DECR1: variants seen among roughly 807,000 people sequenced by gnomAD.
DECR1 encodes 2,4-dienoyl-CoA reductase 1.
A neutral mutation model predicts 38.8 loss-of-function variants in DECR1; 44 were observed. That is an observed-to-expected ratio of 1.13 (90% CI 0.89 to 1.46). DECR1 has a LOEUF of 1.46. Ranked by LOEUF, DECR1 falls within the 40% of genes most tolerant of loss-of-function variation. The pLI, the probability that DECR1 is intolerant of heterozygous loss-of-function variation, is 0.00. For synonymous variants in DECR1, 148 were observed against 135.2 expected (o/e 1.09, Z -0.66); for missense variants, 428 against 405.5 (o/e 1.06, Z -0.48).
chr8:90,019,968 T>C lies in DECR1; in HGVS notation c.417+796T>C, dbSNP rs372661784. Among the ~76,000 whole-genome samples the C allele has an allele frequency of 9.8e-5, 15 of 152,328 alleles. No individual in the cohort carries two copies. The South Asian group carries it at 1.2e-3, about 13-fold the overall frequency. On this transcript the variant is annotated intron_variant, in intron 4 of 9. Transcript: ENST00000220764. ...AGAGTACAGCATTGAGTTTAAATGA[T>C]TGATGCTTTTTGCTTCTCCTAGTAA...
chr8:90,042,449 A>C (rs896325637), intron 6 of DECR1: 1 of 384,138 alleles, frequency 2.6e-6, no homozygotes, highest in Non-Finnish European at 4.8e-6. Flanking sequence ...GGTTAAGGAC[A>C]CTAAAATGTA....
chr8:90,044,443 ACTTTGG>A (rs1436760060), intron 7 of DECR1, among the ~76,000 whole-genome samples: 1 of 152,146 alleles, frequency 6.6e-6, no homozygotes, highest in Non-Finnish European at 1.5e-5. Flanking sequence ...CTTTTCCAAT[ACTTTGG>A]GATGAAAGAA....
intron 1 of DECR1, among the ~76,000 whole-genome samples, chr8:90,012,120 T>C (rs1319392952): frequency 6.6e-6 from 1 of 152,060 alleles, no homozygotes; most frequent in Non-Finnish European, 1.5e-5. Context: ...AGTAACTCAG[T>C]ACTTGTATAG....
chr8:90,011,077 G>A (rs1162421194), intron 1 of DECR1, among the ~76,000 whole-genome samples: 2 of 152,128 alleles, frequency 1.3e-5, no homozygotes, highest in East Asian at 1.9e-4. Context: ...GACAGTTTTT[G>A]TGCATATGTC....
intron 1 of DECR1, chr8:90,006,161 AC>A (rs1812734514): frequency 1.4e-6 from 1 of 701,334 alleles, no homozygotes; most frequent in South Asian, 1.5e-5. Flanking sequence ...AAACATCCAA[AC>A]ATCCTTAGCA....
intron 6 of DECR1, among the ~76,000 whole-genome samples, chr8:90,039,624 C>A (rs11997855): frequency 0.037 from 5,590 of 152,276 alleles, 342 homozygotes; most frequent in African/African-American, 0.13. Context: ...CTCCTCCTTT[C>A]CCCTGCCTCT....
chr8:90,013,399 GTTTTTTTT>G (rs57505716), intron 1 of DECR1, among the ~76,000 whole-genome samples: 176 of 78,002 alleles, frequency 2.3e-3, no homozygotes, highest in African/African-American at 7.7e-3. Context: ...CTCTTCTTTC[GTTTTTTTT>G]TTTTTTTTTT....
In DECR1 at chr8:90,018,925, A is replaced by G; in HGVS notation, c.289A>G (p.Lys97Glu). The G allele has an allele frequency of 1.3e-6, 2 of 1,592,288 alleles. No individual in the cohort carries two copies. The highest frequency in any genetic ancestry group is 1.1e-5 in the South Asian group (1 of 88,450). Reference protein sequence around the residue: ...VIASRKMDVLKATAEQISSQT... With the variant: ...VIASRKMDVLEATAEQISSQT... Reference sequence around the variant, plus strand: ...TATTTCTAGGAAGATGGATGTTTTGAAAGCTACCGCAGAACAAATTTCTTC... The same window carrying G: ...TATTTCTAGGAAGATGGATGTTTTGGAAGCTACCGCAGAACAAATTTCTTC... The change falls in exon 3 of 10, where the codon AAA (lysine) becomes GAA (glutamate). Residue 97 changes from lysine to glutamate, a missense_variant. By Grantham distance (56) the Lys-to-Glu change is moderately conservative (BLOSUM62 1). Transcript: ENST00000220764.
At chr8:90,040,323 A>G (rs1188229253) in intron 6 of DECR1, among the ~76,000 whole-genome samples, 1 of 152,148 alleles carries the variant, frequency 6.6e-6, no homozygotes, top group Non-Finnish European at 1.5e-5. Context: ...CAGCCCACCC[A>G]TTTCTCTAAA....
In DECR1 at chr8:90,024,768, G is replaced by C. The variant is rs191061320; in HGVS notation, c.565+3712G>C. On this transcript the variant is annotated intron_variant, in intron 5 of 9. Coordinates refer to ENST00000220764, the MANE Select transcript of DECR1 (RefSeq NM_001359.2). ...TTTGGCTTTTGTGGCCATTGCTTTT[G>C]GTGTTTTAGACATGAAGCCCTTGCC... Among the ~76,000 whole-genome samples the C allele has an allele frequency of 2.3e-3, 343 of 152,176 alleles. 2 individuals carry two copies. The highest frequency in any genetic ancestry group is 7.1e-3 in the African/African-American group (296 of 41,510).
At chr8:90,011,527 T>C (rs116368237) in intron 1 of DECR1, among the ~76,000 whole-genome samples, 43 of 152,328 alleles carry the variant, frequency 2.8e-4, no homozygotes, top group African/African-American at 1.0e-3. Context: ...TGAATCTGTA[T>C]ATCAATTTAG....
At chr8:90,033,536 C>T (rs1813547676) in intron 5 of DECR1, among the ~76,000 whole-genome samples, 1 of 152,116 alleles carries the variant, frequency 6.6e-6, no homozygotes, top group Non-Finnish European at 1.5e-5. Flanking sequence ...TTACTTTGCA[C>T]TTTAGCACCA....
intron 6 of DECR1, 103 bp downstream of exon 6, chr8:90,037,043 A>C: frequency 1.3e-6 from 1 of 774,766 alleles, no homozygotes; most frequent in Non-Finnish European, 2.2e-6. Context: ...AGAAAAGTAA[A>C]CAAAGACTTG....
rs117363711 is a variant in DECR1, at chr8:90,003,673, C to T, written c.69+2112C>T. On this transcript the variant is annotated intron_variant, in intron 1 of 9. Coordinates refer to ENST00000220764, the MANE Select transcript of DECR1 (RefSeq NM_001359.2). Reference sequence around the variant, plus strand: ...ATAACCAATGAGTAGGCCTTGAAATCAATTTAGTGGAGCAAAACAGCACTT... The same window carrying T: ...ATAACCAATGAGTAGGCCTTGAAATTAATTTAGTGGAGCAAAACAGCACTT... 9.2e-4 allele frequency among the ~76,000 whole-genome samples: 140 copies of T among 152,242 alleles called. 1 individual carries two copies. In the East Asian group the frequency reaches 0.025, roughly 27 times the overall value.
chr8:90,014,065 A>G (rs1271313508), intron 1 of DECR1, among the ~76,000 whole-genome samples: 1 of 152,220 alleles, frequency 6.6e-6, no homozygotes, highest in African/African-American at 2.4e-5. Flanking sequence ...CTGTATTGCC[A>G]AAGTTGGAAG....
rs371080966 is a variant in DECR1, at chr8:90,044,827, A to G, written c.739-22A>G. 4.4e-6 allele frequency: 7 copies of G among 1,597,844 alleles called. No homozygotes were observed. In the South Asian group the frequency reaches 4.5e-5, roughly 10 times the overall value. On this transcript the variant is annotated intron_variant, in intron 7 of 9. Transcript: ENST00000220764. ...TTGATTGAAAAACCCGACACAACCTAATTGTTTTCTTAATTTCTAAGGGTG... is the reference window on the plus strand; with the variant it reads ...TTGATTGAAAAACCCGACACAACCTGATTGTTTTCTTAATTTCTAAGGGTG...
intron 8 of DECR1, among the ~76,000 whole-genome samples, chr8:90,050,897 C>T (rs1325979057): frequency 2.6e-5 from 4 of 152,052 alleles, no homozygotes; most frequent in Non-Finnish European, 5.9e-5. Context: ...AGCTGGAAAC[C>T]ATGATTCTGA....
chr8:90,014,344 G>C (rs915060909), intron 1 of DECR1, among the ~76,000 whole-genome samples: 1 of 152,138 alleles, frequency 6.6e-6, no homozygotes, highest in African/African-American at 2.4e-5. Flanking sequence ...TCATCTCAAT[G>C]GGTCTTAAGG....
chr8:90,017,023 C>T, intron 1 of DECR1, 101 bp from the exon 2 acceptor site: 1 of 762,462 alleles, frequency 1.3e-6, no homozygotes. Flanking sequence ...TGTGTTAATA[C>T]AAGAATTTGA....
Sources: allele counts gnomAD v4.1 joint callset (sites outside exome capture counted in the v4.1 genomes callset), GRCh38; gene constraint gnomAD v4.1.1; transcripts MANE v1.5; gene names NCBI Gene and HGNC (gene_info 2026-07-23, HGNC 2026-07-21).